FTO: variants seen among roughly 807,000 people sequenced by gnomAD.
FTO encodes FTO alpha-ketoglutarate dependent dioxygenase, also known as alpha-ketoglutarate-dependent dioxygenase FTO.
FTO carries 47 observed loss-of-function variants against 63.9 expected under a neutral mutation model. The ratio of observed to expected loss-of-function variants is 0.74; its 90% CI spans 0.58 to 0.94. The LOEUF (loss-of-function observed/expected upper bound fraction) is 0.94, where lower values mean the gene tolerates loss of function less well. FTO is among the 40% of genes least tolerant of loss of function. The pLI is 0.00. For missense variants in FTO, 562 were observed against 618.1 expected, an observed-to-expected ratio of 0.91 and a Z score of 0.96; for synonymous variants, 207 against 224.4, an observed-to-expected ratio of 0.92 and a Z score of 0.69.
At chr16:53,837,022 A>G (rs764577940) in intron 3 of FTO, among the ~76,000 whole-genome samples, 19 of 152,192 alleles carry the variant, frequency 1.2e-4, no homozygotes, top group Non-Finnish European at 2.5e-4. Flanking sequence ...AACTCTCTTT[A>G]TACCTTCCTG....
At chr16:53,804,901 C>T (rs1337727624) in intron 1 of FTO, among the ~76,000 whole-genome samples, 3 of 152,092 alleles carry the variant, frequency 2.0e-5, no homozygotes, top group Non-Finnish European at 2.9e-5. Flanking sequence ...AGGTGTGAGC[C>T]ACCGCGCCTG....
At chr16:54,037,597 C>T (rs979280113) in intron 8 of FTO, among the ~76,000 whole-genome samples, 12 of 152,152 alleles carry the variant, frequency 7.9e-5, no homozygotes, top group Non-Finnish European at 1.3e-4. Context: ...CACAGTTGTG[C>T]GTATTTCAGA....
chr16:53,752,401 A>G (rs1330763982), intron 1 of FTO, among the ~76,000 whole-genome samples: 4 of 152,252 alleles, frequency 2.6e-5, no homozygotes, highest in African/African-American at 4.8e-5. Context: ...AGTGGAACCA[A>G]TGCAAATGTC....
At chr16:53,937,215 T>C (rs1001657465) in intron 8 of FTO, 7 of 398,406 alleles carry the variant, frequency 1.8e-5, no homozygotes, top group Non-Finnish European at 2.7e-5. Flanking sequence ...CCTCTCCAAA[T>C]AGGCTTATTA....
At chr16:54,053,888 G>T (rs144718438) in intron 8 of FTO, among the ~76,000 whole-genome samples, 1 of 151,992 alleles carries the variant, frequency 6.6e-6, no homozygotes, top group Non-Finnish European at 1.5e-5. Context: ...GTCATTTTTC[G>T]TAAGCAACTT....
At chr16:54,017,497 C>G (rs1334020892) in intron 8 of FTO, among the ~76,000 whole-genome samples, 1 of 152,222 alleles carries the variant, frequency 6.6e-6, no homozygotes, top group Non-Finnish European at 1.5e-5. Context: ...TTCCAGCCCC[C>G]ACCTTGCACT....
chr16:53,709,115 T>C (rs1258514477), intron 1 of FTO, among the ~76,000 whole-genome samples: 3 of 152,202 alleles, frequency 2.0e-5, no homozygotes, highest in Admixed American at 2.0e-4. Context: ...GTCATCCCCA[T>C]AATGGGCACT....
At position 53,910,936 on chromosome 16, in the gene FTO, C is replaced by G. The variant is rs2081675594; in HGVS notation, c.1239+21985C>G. 2.6e-5 allele frequency among the ~76,000 whole-genome samples: 4 copies of G among 152,264 alleles called. No homozygotes were observed. In the South Asian group the frequency reaches 8.3e-4, roughly 32 times the overall value. On this transcript the variant is annotated intron_variant, in intron 7 of 8. Coordinates refer to ENST00000471389, the MANE Select transcript of FTO (RefSeq NM_001080432.3). ...GCAATTTTACAAGATTTCTTCTAGT[C>G]TTAGTTATTAGATGGATGGTGATAC...
At position 53,844,265 on chromosome 16, in the gene FTO, C is replaced by A. The variant is rs777382917; in HGVS notation, c.862C>A (p.Pro288Thr). 3 of 1,613,342 alleles carry A rather than the reference C, an allele frequency of 1.9e-6. No homozygotes were observed. The highest frequency in any genetic ancestry group is 1.7e-5 in the Admixed American group (1 of 59,994). ...WDIETPGLAI[P>T]LHQGDCYFML... is the part of the protein sequence containing the mutation. ...CATAGAGACACCTGGTTTGGCGATA[C>A]CCCTTCACCAAGGAGACTGCTATTT... The change falls in exon 4 of 9, where the codon CCC (proline) becomes ACC (threonine). Residue 288 changes from proline to threonine, a missense_variant. By Grantham distance (38) the Pro-to-Thr change is conservative. Coordinates refer to ENST00000471389, the MANE Select transcript of FTO (RefSeq NM_001080432.3).
Position 54,112,143 on chromosome 16 carries a change from A to C in FTO, c.*228A>C. 1 of 545,850 alleles carries C rather than the reference A, an allele frequency of 1.8e-6. No individual in the cohort carries two copies. Among genetic ancestry groups the C allele is most frequent in the Non-Finnish European group, 3.3e-6 (1 of 304,722 alleles). 33.8% of individuals were successfully genotyped at this position (545,850 alleles called of 1,614,324 possible). A position where few individuals can be genotyped will look rare whatever the true frequency, so the allele number is the denominator to read the frequency against. On this transcript the variant is annotated 3_prime_UTR_variant, in exon 9 of 9. Transcript: ENST00000471389. ...TTAAACAGGACCTTCTTCCCCCAAA[A>C]TTGTTCAGATTATAAAATGTGAGCC... is the stretch of plus-strand genomic sequence containing the variant.
intron 4 of FTO, among the ~76,000 whole-genome samples, chr16:53,863,824 C>T (rs1403457076): frequency 6.6e-6 from 1 of 152,212 alleles, no homozygotes; most frequent in Admixed American, 6.5e-5. Context: ...ATTTATCAGG[C>T]TCGCTGCTCT....
chr16:53,765,437 C>T (rs563768366), intron 1 of FTO, among the ~76,000 whole-genome samples: 47 of 151,776 alleles, frequency 3.1e-4, no homozygotes, highest in African/African-American at 8.0e-4. Context: ...TGCCTGTAAT[C>T]CCAGCTACTC....
chr16:53,843,818 AT>A (rs1555483806), intron 3 of FTO, among the ~76,000 whole-genome samples: 58 of 68,348 alleles, frequency 8.5e-4, no homozygotes, highest in African/African-American at 1.6e-3. Flanking sequence ...TTAAAAAGTA[AT>A]TTTTTTTTTT....
chr16:54,072,071 A>G (rs764979714), intron 8 of FTO: 1 of 152,184 alleles, frequency 6.6e-6, no homozygotes, highest in African/African-American at 2.4e-5. Context: ...GCGATTGACA[A>G]GGGACTGATT....
At chr16:53,724,194 A>G (rs1197420016) in intron 1 of FTO, among the ~76,000 whole-genome samples, 1 of 152,226 alleles carries the variant, frequency 6.6e-6, no homozygotes, top group African/African-American at 2.4e-5. Flanking sequence ...GACAAGGAGT[A>G]TTGGGGAGTT....
chr16:53,862,638 CAA>C (rs1298370928), intron 4 of FTO, among the ~76,000 whole-genome samples: 1 of 150,678 alleles, frequency 6.6e-6, no homozygotes, highest in East Asian at 2.0e-4. Flanking sequence ...CAGGTTCAAG[CAA>C]TTCTCCTGCC....
intron 8 of FTO, among the ~76,000 whole-genome samples, chr16:53,957,007 T>C (rs1471471984): frequency 6.6e-6 from 1 of 152,152 alleles, no homozygotes; most frequent in African/African-American, 2.4e-5. Flanking sequence ...TTAAAATGTA[T>C]TTCTATAATA....
chr16:53,863,379 T>G (rs1034339790), intron 4 of FTO, among the ~76,000 whole-genome samples: 2 of 152,218 alleles, frequency 1.3e-5, no homozygotes, highest in Non-Finnish European at 2.9e-5. Context: ...TGTGAGAGAT[T>G]AGTATGGATT....
chr16:53,814,242 T>C (rs1452247725), intron 2 of FTO, among the ~76,000 whole-genome samples: 1 of 152,198 alleles, frequency 6.6e-6, no homozygotes, highest in Admixed American at 6.5e-5. Flanking sequence ...TAGCTCATCA[T>C]GGAACACAAG....
Sources: gnomAD v4.1 joint callset for allele counts (sites outside exome capture counted in the v4.1 genomes callset) on GRCh38, gnomAD v4.1.1 for gene constraint, MANE v1.5 for transcripts, NCBI Gene and HGNC (gene_info 2026-07-23, HGNC 2026-07-21) for gene names.